Variants in WWTR1 observed in about 807,000 individuals in gnomAD.
The protein encoded by WWTR1 is WW domain-containing transcription regulator protein 1.
A neutral mutation model predicts 40.1 loss-of-function variants in WWTR1; 13 were observed. The ratio of observed to expected loss-of-function variants is 0.32; its 90% CI spans 0.21 to 0.52. WWTR1 has a LOEUF of 0.52. Among genes scored for constraint, WWTR1 ranks in the 20% least tolerant of loss-of-function variants. WWTR1 has a pLI of 0.97. For synonymous variants in WWTR1, 230 were observed against 210.1 expected (o/e 1.09, Z -0.82); for missense variants, 436 against 523.1 (o/e 0.83, Z 1.63).
At chr3:149,693,162 A>G (rs1048245218) in intron 1 of WWTR1, among the ~76,000 whole-genome samples, 1 of 152,242 alleles carries the variant, frequency 6.6e-6, no homozygotes, top group African/African-American at 2.4e-5. Flanking sequence ...ACATACAAAA[A>G]TCAGTAGCAT....
chr3:149,644,436 C>T (rs893139304), intron 2 of WWTR1, among the ~76,000 whole-genome samples: 3 of 152,188 alleles, frequency 2.0e-5, no homozygotes, highest in African/African-American at 7.2e-5. Context: ...GTATGGCTCA[C>T]ATCAGACAGT....
rs60366789 is a variant in WWTR1, at chr3:149,562,600, G to GACACACAC, written c.568+10256_568+10263dup. Among the ~76,000 whole-genome samples the GACACACAC allele has an allele frequency of 5.9e-5, 8 of 135,882 alleles. No individual in the cohort carries two copies. In the South Asian group the frequency reaches 1.0e-3, roughly 17 times the overall value. The allele number at this position is 135,882 out of a possible 152,430, so 89.1% of individuals were successfully genotyped here. A position where few individuals can be genotyped will look rare whatever the true frequency, so the allele number is the denominator to read the frequency against. On this transcript the variant is annotated intron_variant, in intron 3 of 6. Coordinates refer to ENST00000360632, the MANE Select transcript of WWTR1 (RefSeq NM_015472.6). ...TTTTTTTTTTCTGCCTTAAAATACA[G>GACACACAC]ACACACACACACACACACACACACA...
At position 149,518,550 on chromosome 3, in the gene WWTR1, A is replaced by T. The variant is rs1734898859; in HGVS notation, c.*2255T>A. 1 of 152,144 alleles carries T rather than the reference A, an allele frequency of 6.6e-6. No individual in the cohort carries two copies. The highest frequency in any genetic ancestry group is 1.5e-5 in the Non-Finnish European group (1 of 68,036). The allele number at this position is 152,144 out of a possible 1,614,324, so 9.4% of individuals were successfully genotyped here. ...GAAATAGTGCTCCCTTCAATTTAGT[A>T]GCAATAAAATCATCTATCTTCATCT... On this transcript the variant is annotated 3_prime_UTR_variant, in exon 7 of 7. Coordinates refer to ENST00000360632, the MANE Select transcript of WWTR1 (RefSeq NM_015472.6).
chr3:149,672,364 T>G (rs1183199574), intron 1 of WWTR1, among the ~76,000 whole-genome samples: 1 of 152,172 alleles, frequency 6.6e-6, no homozygotes, highest in Non-Finnish European at 1.5e-5. Flanking sequence ...TGATTTCCAC[T>G]CACAAGTTGT....
intron 5 of WWTR1, among the ~76,000 whole-genome samples, chr3:149,709,630 A>G (rs1367063019): frequency 2.0e-5 from 3 of 152,038 alleles, no homozygotes; most frequent in Admixed American, 1.3e-4. Context: ...CTCGGCCAGG[A>G]GCGGTGGCTC....
At chr3:149,640,935 T>C (rs979478600) in intron 2 of WWTR1, among the ~76,000 whole-genome samples, 1 of 152,232 alleles carries the variant, frequency 6.6e-6, no homozygotes, top group African/African-American at 2.4e-5. Flanking sequence ...GATCTGGACA[T>C]ATTCAGAGCC....
chr3:149,574,905 G>A (rs1737811514), intron 2 of WWTR1, among the ~76,000 whole-genome samples: 1 of 151,988 alleles, frequency 6.6e-6, no homozygotes, highest in South Asian at 2.1e-4. Context: ...GACCAGCCTG[G>A]CCAACATGGT....
intron 3 of WWTR1, among the ~76,000 whole-genome samples, chr3:149,571,770 T>C (rs1030704146): frequency 2.0e-5 from 3 of 152,206 alleles, no homozygotes; most frequent in African/African-American, 7.2e-5. Context: ...AAATTAACTG[T>C]TCTGTGTATA....
intron 2 of WWTR1, among the ~76,000 whole-genome samples, chr3:149,643,607 G>A (rs932986207): frequency 1.3e-5 from 2 of 152,188 alleles, no homozygotes; most frequent in Non-Finnish European, 2.9e-5. Context: ...ATGGAAACTT[G>A]TGGGACTATG....
chr3:149,623,124 G>A (rs1176450205), intron 2 of WWTR1, among the ~76,000 whole-genome samples: 1 of 152,194 alleles, frequency 6.6e-6, no homozygotes, highest in Non-Finnish European at 1.5e-5. Flanking sequence ...CACTTTGGGA[G>A]GCCGAGGTGG....
intron 4 of WWTR1, among the ~76,000 whole-genome samples, chr3:149,540,797 A>G (rs1021295364): frequency 5.3e-5 from 8 of 152,222 alleles, no homozygotes; most frequent in Admixed American, 6.5e-5. Context: ...TTTGGAGGAA[A>G]GTTCAGCTGA....
At chr3:149,598,253 T>C (rs1486287561) in intron 2 of WWTR1, among the ~76,000 whole-genome samples, 1 of 152,238 alleles carries the variant, frequency 6.6e-6, no homozygotes, top group East Asian at 1.9e-4. Context: ...TGAGAACATC[T>C]TGAAGCTACG....
chr3:149,539,920 A>C (rs972480884), intron 4 of WWTR1, among the ~76,000 whole-genome samples: 1 of 152,064 alleles, frequency 6.6e-6, no homozygotes, highest in African/African-American at 2.4e-5. Flanking sequence ...ATGGTCTTAA[A>C]TCATATCTTT....
chr3:149,560,636 C>G (rs529912978), intron 3 of WWTR1, among the ~76,000 whole-genome samples: 1 of 152,112 alleles, frequency 6.6e-6, no homozygotes, highest in Non-Finnish European at 1.5e-5. Context: ...ACTAAATCAG[C>G]CACATTAATT....
chr3:149,548,842 G>T (rs1191053087), intron 3 of WWTR1, among the ~76,000 whole-genome samples: 5 of 152,122 alleles, frequency 3.3e-5, no homozygotes, highest in Non-Finnish European at 5.9e-5. Flanking sequence ...TAGAATATGT[G>T]GTTTTGTTAA....
chr3:149,582,462 A>ACG (rs1264217131), intron 2 of WWTR1, among the ~76,000 whole-genome samples: 1 of 151,988 alleles, frequency 6.6e-6, no homozygotes, highest in African/African-American at 2.4e-5. Context: ...ACAGTGGCTC[A>ACG]CGCCTGTAAT....
In WWTR1 at chr3:149,685,049, C is replaced by T. The variant is rs142219774; in HGVS notation, c.-107-15158G>A. On this transcript the variant is annotated intron_variant, in intron 1 of 7. Transcript: ENST00000465804. ...TTCATCATTTGTAGCCACTAATATA[C>T]TTGAAATGTAATCATCTCCTCCATC... is the stretch of plus-strand genomic sequence containing the variant. Among the ~76,000 whole-genome samples, 4 of 152,292 alleles carry T rather than the reference C, an allele frequency of 2.6e-5. No homozygotes were observed. In the East Asian group the frequency reaches 7.7e-4, roughly 29 times the overall value.
intron 2 of WWTR1, among the ~76,000 whole-genome samples, chr3:149,669,058 C>T (rs1224332303): frequency 1.3e-5 from 2 of 152,314 alleles, no homozygotes; most frequent in African/African-American, 4.8e-5. Context: ...TCACCAAAGG[C>T]CTTTGTACAG....
At chr3:149,688,507 GT>G (rs1174627651) in intron 1 of WWTR1, among the ~76,000 whole-genome samples, 4 of 152,318 alleles carry the variant, frequency 2.6e-5, no homozygotes, top group South Asian at 4.1e-4. Context: ...AATCCTCCCA[GT>G]TCTTATCTAA....
Sources: gnomAD v4.1 joint callset for allele counts (sites outside exome capture counted in the v4.1 genomes callset) on GRCh38, gnomAD v4.1.1 for gene constraint, MANE v1.5 for transcripts, NCBI Gene and HGNC (gene_info 2026-07-23, HGNC 2026-07-21) for gene names.